The following SUCLG1 variants were observed in gnomAD, a reference collection of about 807,000 sequenced individuals.
SUCLG1 encodes succinate-CoA ligase GDP/ADP-forming subunit alpha.
A neutral mutation model predicts 37.3 loss-of-function variants in SUCLG1; 26 were observed. That is an observed-to-expected ratio of 0.70 (90% CI 0.51 to 0.97). The LOEUF is 0.97. Among genes scored for constraint, SUCLG1 ranks in the 50% least tolerant of loss-of-function variants. The pLI, the probability that SUCLG1 is intolerant of heterozygous loss-of-function variation, is 0.00. For synonymous variants in SUCLG1, 163 were observed against 155.6 expected, an observed-to-expected ratio of 1.05 and a Z score of -0.36; for missense variants, 433 against 432.9, an observed-to-expected ratio of 1.00 and a Z score of 0.00.
At chr2:84,439,842 G>T (rs6721249) in intron 5 of SUCLG1, among the ~76,000 whole-genome samples, 8,122 of 152,254 alleles carry the variant, frequency 0.053, 472 homozygotes, top group African/African-American at 0.14. Context: ...CAAGTAGCAG[G>T]GCAATTTTCC....
chr2:84,446,257 G>A (rs535382900), intron 2 of SUCLG1, among the ~76,000 whole-genome samples: 1 of 152,300 alleles, frequency 6.6e-6, no homozygotes, highest in African/African-American at 2.4e-5. Flanking sequence ...TATACTCATT[G>A]ATTTTGTTGA....
At chr2:84,425,296 G>A (rs1672515001) in intron 8 of SUCLG1, 119 bp downstream of exon 8, 2 of 1,138,496 alleles carry the variant, frequency 1.8e-6, no homozygotes, top group Admixed American at 1.9e-5. Context: ...CTATTAAGCT[G>A]CACATCAGAA....
intron 5 of SUCLG1, among the ~76,000 whole-genome samples, chr2:84,434,062 T>C (rs1672648005): frequency 2.0e-5 from 3 of 152,288 alleles, no homozygotes; most frequent in Admixed American, 2.0e-4. Context: ...CTTCACCTTC[T>C]GCCATGAGTA....
intron 2 of SUCLG1, among the ~76,000 whole-genome samples, chr2:84,446,563 A>G (rs896768940): frequency 8.5e-5 from 13 of 152,156 alleles, no homozygotes; most frequent in Non-Finnish European, 1.5e-4. Flanking sequence ...TAATTTGTCT[A>G]AAGTCAGGGG....
chr2:84,425,057 G>T (rs1348936406), intron 8 of SUCLG1, among the ~76,000 whole-genome samples: 2 of 151,886 alleles, frequency 1.3e-5, no homozygotes, highest in Non-Finnish European at 2.9e-5. Context: ...TATCCCAAAG[G>T]AAAAAACAAG....
intron 3 of SUCLG1, 22 bp downstream of exon 3, chr2:84,443,262 A>G (rs1672800920): frequency 1.2e-6 from 2 of 1,601,350 alleles, no homozygotes; most frequent in Admixed American, 3.3e-5. Context: ...TTGTCTTGCC[A>G]AACTCAGGTA....
intron 8 of SUCLG1, among the ~76,000 whole-genome samples, chr2:84,425,140 T>TGAAA (rs1375741435): frequency 1.3e-5 from 2 of 152,204 alleles, no homozygotes; most frequent in African/African-American, 4.8e-5. Flanking sequence ...ACACTTACGA[T>TGAAA]CTTCAAGATG....
At position 84,433,449 on chromosome 2, in the gene SUCLG1, A is replaced by C; in HGVS notation, c.590-14T>G. ...TGGACACAATGCCTTAACGAAAGAG[A>C]ATTCAAAAATATTAGATTGTGTTTC... On this transcript the variant is annotated splice_polypyrimidine_tract_variant and intron_variant, in intron 5 of 8. Transcript: ENST00000393868. 6.2e-7 allele frequency: 1 copy of C among 1,610,082 alleles called. No individual in the cohort carries two copies. Among genetic ancestry groups the C allele is most frequent in the South Asian group, 1.1e-5 (1 of 90,886 alleles).
intron 8 of SUCLG1, among the ~76,000 whole-genome samples, chr2:84,424,960 T>A (rs1041494683): frequency 2.0e-5 from 3 of 152,084 alleles, no homozygotes; most frequent in African/African-American, 7.2e-5. Flanking sequence ...CCACCCAAAC[T>A]CCTTCTTCAT....
chr2:84,424,624 A>G (rs1243218336), intron 8 of SUCLG1, among the ~76,000 whole-genome samples: 1 of 152,152 alleles, frequency 6.6e-6, no homozygotes, highest in African/African-American at 2.4e-5. Context: ...CTTCTAGGAA[A>G]CCAACTGGTA....
At chr2:84,439,783 T>C (rs946674761) in intron 5 of SUCLG1, among the ~76,000 whole-genome samples, 9 of 152,236 alleles carry the variant, frequency 5.9e-5, no homozygotes, top group Non-Finnish European at 1.0e-4. Context: ...ACAAGCCTAA[T>C]GTGGCTAACT....
chr2:84,443,959 C>T (rs556928754), intron 2 of SUCLG1, among the ~76,000 whole-genome samples: 67 of 152,314 alleles, frequency 4.4e-4, no homozygotes, highest in Non-Finnish European at 4.6e-4. Context: ...TCCTCCTCAA[C>T]CTCAGCATTA....
intron 7 of SUCLG1, among the ~76,000 whole-genome samples, chr2:84,428,096 C>T (rs1304483987): frequency 3.3e-5 from 5 of 152,264 alleles, no homozygotes; most frequent in African/African-American, 9.6e-5. Flanking sequence ...TCCAGTAACC[C>T]CAGAATGCTC....
rs373153604 is a variant in SUCLG1, at chr2:84,441,334, G to A, written c.444C>T (p.Pro148=). ...PLVVCITEGI[P]QQDMVRVKHK... ...GCTTGACTCGTACCATGTCCTGCTGGGGAATTCCTTCAGTGATACACACAA... is the reference window on the plus strand; with the variant it reads ...GCTTGACTCGTACCATGTCCTGCTGAGGAATTCCTTCAGTGATACACACAA... The change falls in exon 4 of 9, where the codon CCC becomes CCT. Residue 148 remains proline (P), a synonymous_variant. Coordinates refer to ENST00000393868, the MANE Select transcript of SUCLG1 (RefSeq NM_003849.4). The A allele has an allele frequency of 3.1e-6, 5 of 1,613,886 alleles. No individual in the cohort carries two copies. In the African/African-American group the frequency reaches 6.7e-5, roughly 22 times the overall value.
intron 7 of SUCLG1, among the ~76,000 whole-genome samples, chr2:84,429,361 C>A (rs80254791): frequency 0.054 from 8,069 of 150,596 alleles, 463 homozygotes; most frequent in African/African-American, 0.14. Flanking sequence ...TTAACCGAAA[C>A]TTTTTTTTTT....
chr2:84,427,137 GCATT>G (rs1672545971), intron 7 of SUCLG1, among the ~76,000 whole-genome samples: 1 of 152,124 alleles, frequency 6.6e-6, no homozygotes, highest in Admixed American at 6.6e-5. Flanking sequence ...AAATGCTTTT[GCATT>G]CAATCTGTTG....
At chr2:84,446,842 T>A (rs1303880000) in intron 2 of SUCLG1, among the ~76,000 whole-genome samples, 1 of 152,206 alleles carries the variant, frequency 6.6e-6, no homozygotes, top group Admixed American at 6.5e-5. Flanking sequence ...TACATTAGAC[T>A]GAAAATTAAA....
chr2:84,455,337 A>C (rs1385066018), intron 1 of SUCLG1, among the ~76,000 whole-genome samples: 1 of 152,110 alleles, frequency 6.6e-6, no homozygotes, highest in African/African-American at 2.4e-5. Flanking sequence ...TCTACTAAAA[A>C]TACAAAATTA....
At chr2:84,426,994 T>C (rs753758363) in intron 7 of SUCLG1, 1 of 153,758 alleles carries the variant, frequency 6.5e-6, no homozygotes, top group African/African-American at 2.4e-5. Context: ...ATTTTATAAA[T>C]ATTTGTTAAT....
Sources: allele counts gnomAD v4.1 joint callset (sites outside exome capture counted in the v4.1 genomes callset), GRCh38; gene constraint gnomAD v4.1.1; transcripts MANE v1.5; gene names NCBI Gene and HGNC (gene_info 2026-07-23, HGNC 2026-07-21).